The following HHAT variants were observed in gnomAD, a reference collection of about 807,000 sequenced individuals.
HHAT encodes hedgehog acyltransferase.
Under a neutral mutation model 70.8 loss-of-function variants are expected in HHAT, and 47 were observed. The ratio of observed to expected loss-of-function variants is 0.66; its 90% CI spans 0.53 to 0.85. HHAT has a LOEUF of 0.85. Ranked by LOEUF, HHAT falls within the 40% of genes least tolerant of loss-of-function variation. The pLI is 0.00. For synonymous variants in HHAT, 228 were observed against 247.6 expected, an observed-to-expected ratio of 0.92 and a Z score of 0.74; for missense variants, 609 against 604.8, an observed-to-expected ratio of 1.01 and a Z score of -0.07.
chr1:210,410,523 ATTTTTTTTTT>A (rs35608235), intron 6 of HHAT, among the ~76,000 whole-genome samples: 4 of 116,424 alleles, frequency 3.4e-5, no homozygotes, highest in East Asian at 2.4e-4. Context: ...TTATTTGTAA[ATTTTTTTTTT>A]TTTTTTTTTT....
chr1:210,387,161 C>CAG (rs1397611093), intron 3 of HHAT, among the ~76,000 whole-genome samples: 1 of 152,122 alleles, frequency 6.6e-6, no homozygotes, highest in Non-Finnish European at 1.5e-5. Flanking sequence ...ATCTATACTA[C>CAG]AGAGGGCCCT....
At chr1:210,602,577 C>T (rs1159888554) in intron 10 of HHAT, among the ~76,000 whole-genome samples, 1 of 152,070 alleles carries the variant, frequency 6.6e-6, no homozygotes, top group Non-Finnish European at 1.5e-5. Flanking sequence ...CACATGGTTC[C>T]CATAGAAAGG....
rs1162179157 is a variant in HHAT, at chr1:210,498,890, C to T, written c.1008-14263C>T. On this transcript the variant is annotated intron_variant, in intron 8 of 11. Transcript: ENST00000261458. Reference sequence around the variant, plus strand: ...GTTCAAGTGATTCTCCTGCCTCAGCCTCCTGAGTATCTGGGATTATAGGTG... The same window carrying T: ...GTTCAAGTGATTCTCCTGCCTCAGCTTCCTGAGTATCTGGGATTATAGGTG... Among the ~76,000 whole-genome samples, 5 of 151,900 alleles carry T rather than the reference C, an allele frequency of 3.3e-5. No individual in the cohort carries two copies. In the East Asian group the frequency reaches 9.7e-4, roughly 29 times the overall value.
rs181435208 is a variant in HHAT, at chr1:210,579,853, G to A, written c.1044-8045G>A. On this transcript the variant is annotated intron_variant, in intron 9 of 11. Transcript: ENST00000261458. ...GAAAGATAGAGCTTTTGTGAAGCCA[G>A]AGTTTGGGTTTTGAACTATGAAGTT... 3.8e-3 allele frequency among the ~76,000 whole-genome samples: 585 copies of A among 152,324 alleles called. 1 individual carries two copies. Among genetic ancestry groups the A allele is most frequent in the African/African-American group, 0.013 (553 of 41,562 alleles).
chr1:210,404,624 A>G lies in HHAT; in HGVS notation c.629A>G (p.Tyr210Cys), dbSNP rs774960950. The G allele has an allele frequency of 1.2e-6, 2 of 1,613,994 alleles. No individual in the cohort carries two copies. Among genetic ancestry groups the G allele is most frequent in the Admixed American group, 1.7e-5 (1 of 59,998 alleles). ...SFPWMLAYVF[Y>C]YPVLHNGPIL... ...CCCTGGATGCTGGCCTATGTCTTTTATTATCCAGTCTTACACAATGGGCCC... is the reference window on the plus strand; with the variant it reads ...CCCTGGATGCTGGCCTATGTCTTTTGTTATCCAGTCTTACACAATGGGCCC... The change falls in exon 6 of 12, where the codon TAT (tyrosine) becomes TGT (cysteine). Residue 210 changes from tyrosine to cysteine, a missense_variant. Transcript: ENST00000261458.
intron 9 of HHAT, among the ~76,000 whole-genome samples, chr1:210,536,434 T>A (rs1046716401): frequency 2.6e-5 from 4 of 152,376 alleles, no homozygotes; most frequent in African/African-American, 9.6e-5. Flanking sequence ...TGTCTGCTGT[T>A]TTCATGTGTG....
At chr1:210,450,033 C>G (rs141066952) in intron 7 of HHAT, among the ~76,000 whole-genome samples, 2,063 of 152,102 alleles carry the variant, frequency 0.014, 46 homozygotes, top group African/African-American at 0.047. Context: ...GGTGGCTCAC[C>G]CCTGTTATCC....
chr1:210,499,440 C>G (rs191534401), intron 8 of HHAT, among the ~76,000 whole-genome samples: 1 of 152,252 alleles, frequency 6.6e-6, no homozygotes, highest in East Asian at 1.9e-4. Context: ...AATTCAAGAC[C>G]AGCCTGGCCA....
At chr1:210,387,397 T>C (rs1041021686) in intron 3 of HHAT, 71 bp from the exon 4 acceptor site, 30 of 1,257,876 alleles carry the variant, frequency 2.4e-5, no homozygotes, top group Non-Finnish European at 3.5e-5. Context: ...TCCAGTTTTA[T>C]TAACTGGAGT....
At chr1:210,586,591 A>G (rs1017148010) in intron 9 of HHAT, among the ~76,000 whole-genome samples, 2 of 152,242 alleles carry the variant, frequency 1.3e-5, no homozygotes, top group African/African-American at 4.8e-5. Context: ...ATGCTGGGGC[A>G]GTAGGTATAA....
intron 10 of HHAT, 108 bp from the exon 11 acceptor site, chr1:210,623,418 G>A (rs947990268): frequency 1.6e-6 from 2 of 1,224,792 alleles, no homozygotes; most frequent in East Asian, 2.4e-5. Context: ...CCTGGTTTGG[G>A]CTCTGTGGGG....
At chr1:210,374,341 C>T (rs1450212206) in intron 3 of HHAT, 1 of 152,170 alleles carries the variant, frequency 6.6e-6, no homozygotes, top group Non-Finnish European at 1.5e-5. Flanking sequence ...CTACAGTTCG[C>T]ACAAAAAGAA....
At chr1:210,417,371 T>C (rs930118268) in intron 6 of HHAT, among the ~76,000 whole-genome samples, 2 of 152,142 alleles carry the variant, frequency 1.3e-5, no homozygotes, top group Non-Finnish European at 2.9e-5. Context: ...TAGCTGGGAT[T>C]ACAGGCATGT....
At position 210,560,907 on chromosome 1, in the gene HHAT, C is replaced by G. The variant is rs139385458; in HGVS notation, c.1044-26991C>G. Among the ~76,000 whole-genome samples the G allele has an allele frequency of 5.9e-3, 839 of 143,170 alleles. 8 individuals are homozygous for G. The highest frequency in any genetic ancestry group is 0.02 in the African/African-American group (787 of 39,150). 93.9% of individuals were successfully genotyped at this position (143,170 alleles called of 152,430 possible). A position where few individuals can be genotyped will look rare whatever the true frequency, so the allele number is the denominator to read the frequency against. ...CCTCTTTCTTTTTGATTTTAAAGAC[C>G]TTTCAGATTAAGAAATGTCAAGTCC... On this transcript the variant is annotated intron_variant, in intron 9 of 11. Coordinates refer to ENST00000261458, the MANE Select transcript of HHAT (RefSeq NM_018194.6).
At chr1:210,479,266 T>C (rs941087827) in intron 8 of HHAT, among the ~76,000 whole-genome samples, 2 of 152,192 alleles carry the variant, frequency 1.3e-5, no homozygotes, top group Non-Finnish European at 2.9e-5. Flanking sequence ...AAATTCTCTT[T>C]GGTCAAGGAG....
intron 3 of HHAT, among the ~76,000 whole-genome samples, chr1:210,382,184 A>T (rs2090689806): frequency 6.6e-6 from 1 of 152,130 alleles, no homozygotes; most frequent in African/African-American, 2.4e-5. Context: ...TTTGCCAGGA[A>T]TTTTTTCTTG....
chr1:210,547,408 C>T (rs1422065045), intron 9 of HHAT, among the ~76,000 whole-genome samples: 19 of 152,084 alleles, frequency 1.2e-4, no homozygotes, highest in Admixed American at 1.2e-3. Flanking sequence ...AGTTGGTTCT[C>T]CATGAAGAAG....
At chr1:210,499,427 A>G (rs2094711851) in intron 8 of HHAT, among the ~76,000 whole-genome samples, 1 of 152,236 alleles carries the variant, frequency 6.6e-6, no homozygotes, top group Admixed American at 6.5e-5. Flanking sequence ...ACTTGAGGCC[A>G]GGAATTCAAG....
At chr1:210,338,474 T>TA (rs141159424) in intron 1 of HHAT, among the ~76,000 whole-genome samples, 6 of 152,156 alleles carry the variant, frequency 3.9e-5, no homozygotes, top group African/African-American at 1.4e-4. Flanking sequence ...TTGGAAAGAA[T>TA]AAAAAAGCCT....
Sources: allele counts gnomAD v4.1 joint callset (sites outside exome capture counted in the v4.1 genomes callset), GRCh38; gene constraint gnomAD v4.1.1; transcripts MANE v1.5; gene names NCBI Gene and HGNC (gene_info 2026-07-23, HGNC 2026-07-21).